Variants in CXorf58 observed in about 807,000 individuals in gnomAD.
The protein encoded by CXorf58 is chromosome X open reading frame 58.
CXorf58 carries 24 observed loss-of-function variants against 26.0 expected under a neutral mutation model. The observed-to-expected ratio is 0.92, with a 90% CI of 0.67 to 1.30. CXorf58 has a LOEUF of 1.30. CXorf58 is among the 50% of genes most tolerant of loss of function. The pLI is 0.00. For missense variants in CXorf58, 236 were observed against 263.9 expected (o/e 0.89, Z 0.73); for synonymous variants, 87 against 86.1 (o/e 1.01, Z -0.06).
At chrX:23,913,670 C>G (rs1013282777) in intron 3 of CXorf58, among the ~76,000 whole-genome samples, 1 of 110,829 alleles carries the variant, frequency 9.0e-6, no homozygotes, top group Non-Finnish European at 1.9e-5. Context: ...TTTAGGAGGC[C>G]GAGGCGGGTG....
At chrX:23,919,992 T>G (rs960944037) in intron 5 of CXorf58, among the ~76,000 whole-genome samples, 2 of 112,739 alleles carry the variant, frequency 1.8e-5, no homozygotes, top group African/African-American at 6.4e-5. Flanking sequence ...TTTCCCTACT[T>G]TTCCCCCAAT....
chrX:23,938,134 T>G (rs187202434), intron 7 of CXorf58, among the ~76,000 whole-genome samples: 110 of 109,969 alleles, frequency 1.0e-3, no homozygotes, highest in African/African-American at 3.4e-3. Flanking sequence ...GTGATCCGCT[T>G]GCCTCGGCCT....
intron 3 of CXorf58, among the ~76,000 whole-genome samples, chrX:23,912,209 C>G (rs1250503952): frequency 1.8e-5 from 2 of 110,974 alleles, no homozygotes. Flanking sequence ...CCTTGGCCTC[C>G]CAAAGTGCTG....
chrX:23,927,399 C>T, intron 6 of CXorf58, 29 bp downstream of exon 6: 1 of 1,045,596 alleles, frequency 9.6e-7, no homozygotes, highest in Non-Finnish European at 1.3e-6. Context: ...GAAAAACAAA[C>T]AAACCCAGCA....
intron 5 of CXorf58, among the ~76,000 whole-genome samples, chrX:23,917,709 C>T (rs183154907): frequency 3.0e-4 from 34 of 112,754 alleles, no homozygotes; most frequent in African/African-American, 1.1e-3. Context: ...TGAGCCACCA[C>T]ACCTGGCACT....
In CXorf58 at chrX:23,935,668, A is replaced by T. The variant is rs750333278; in HGVS notation, c.785+243A>T. On this transcript the variant is annotated intron_variant, in intron 7 of 8. Transcript: ENST00000379211. ...AGCTGGAGGCTGCCACAGAAAATAT[A>T]AAAAAATGAACAACCATAGAGTGGA... 5.4e-5 allele frequency among the ~76,000 whole-genome samples: 6 copies of T among 111,822 alleles called. No individual in the cohort carries two copies. The South Asian group carries it at 1.9e-3, about 35-fold the overall frequency.
At chrX:23,915,142 C>T (rs1368015892) in intron 3 of CXorf58, among the ~76,000 whole-genome samples, 4 of 112,178 alleles carry the variant, frequency 3.6e-5, no homozygotes, top group Non-Finnish European at 7.5e-5. Context: ...TCAAAACAAA[C>T]AAAAAATTCT....
intron 6 of CXorf58, among the ~76,000 whole-genome samples, chrX:23,933,877 T>TC (rs200039280): frequency 2.3e-5 from 2 of 86,813 alleles, no homozygotes; most frequent in Non-Finnish European, 4.4e-5. Context: ...TGAAACTCCG[T>TC]CCCCCCCAAA....
chrX:23,925,785 T>C (rs1346058841), intron 5 of CXorf58, among the ~76,000 whole-genome samples: 1 of 94,703 alleles, frequency 1.1e-5, no homozygotes, highest in Non-Finnish European at 2.0e-5. Flanking sequence ...TCTTTTCTTT[T>C]CTTTTTTTTT....
intron 5 of CXorf58, among the ~76,000 whole-genome samples, chrX:23,926,132 C>A (rs893391498): frequency 9.0e-6 from 1 of 110,802 alleles, no homozygotes; most frequent in Non-Finnish European, 1.9e-5. Flanking sequence ...TAAACATACC[C>A]TTTGTGGCCA....
At chrX:23,912,798 C>G (rs1051895479) in intron 3 of CXorf58, among the ~76,000 whole-genome samples, 1 of 111,956 alleles carries the variant, frequency 8.9e-6, no homozygotes, top group Non-Finnish European at 1.9e-5. Context: ...AATTTTACTT[C>G]TAAGAATCTG....
chrX:23,931,298 G>T (rs1928161967), intron 6 of CXorf58, among the ~76,000 whole-genome samples: 1 of 112,075 alleles, frequency 8.9e-6, no homozygotes, highest in South Asian at 3.7e-4. Context: ...TCATAGAGAG[G>T]AGTCCCCAGA....
intron 5 of CXorf58, among the ~76,000 whole-genome samples, chrX:23,922,225 T>C (rs572380102): frequency 1.8e-5 from 2 of 109,198 alleles, no homozygotes; most frequent in South Asian, 8.2e-4. Context: ...AATACAAATA[T>C]TAGCCAAGCG....
chrX:23,915,771 T>C lies in CXorf58; in HGVS notation c.288T>C (p.Thr96=). Residue 96 remains threonine, a synonymous_variant, in exon 4 of 9, where the codon ACT becomes ACC. Transcript: ENST00000379211. Reference sequence around the variant, plus strand: ...AGGCTAAGCTTATTAAGGATCCTACTATGCAGTGTAAAATTAGATTCAGGT... The same window carrying C: ...AGGCTAAGCTTATTAAGGATCCTACCATGCAGTGTAAAATTAGATTCAGGT... ...PLEAKLIKDP[T]MQCKIRFRFR... 8.6e-7 allele frequency: 1 copy of C among 1,165,352 alleles called. No individual in the cohort carries two copies. Among genetic ancestry groups the C allele is most frequent in the Non-Finnish European group, 1.2e-6 (1 of 855,045 alleles).
At chrX:23,911,412 G>A (rs372974285) in intron 2 of CXorf58, among the ~76,000 whole-genome samples, 2 of 111,434 alleles carry the variant, frequency 1.8e-5, no homozygotes, top group African/African-American at 3.3e-5. Flanking sequence ...ATTTTAGGTC[G>A]TGAATGTTTT....
At chrX:23,939,080 A>G (rs1385771674) in intron 8 of CXorf58, among the ~76,000 whole-genome samples, 164 bp from the exon 9 acceptor site, 1 of 112,307 alleles carries the variant, frequency 8.9e-6, no homozygotes, top group Non-Finnish European at 1.9e-5. Flanking sequence ...ATACTTTTAC[A>G]TCATAGGAAT....
intron 6 of CXorf58, among the ~76,000 whole-genome samples, chrX:23,929,994 G>A (rs1450125149): frequency 1.8e-5 from 2 of 109,766 alleles, no homozygotes; most frequent in South Asian, 3.9e-4. Context: ...TCAGGAGATC[G>A]AGACCATCCT....
At chrX:23,930,230 A>G (rs1189378672) in intron 6 of CXorf58, among the ~76,000 whole-genome samples, 4 of 106,405 alleles carry the variant, frequency 3.8e-5, no homozygotes, top group African/African-American at 1.4e-4. Context: ...AAAAAGAAAT[A>G]TGTTTCATAA....
chrX:23,925,994 G>T (rs1601965098), intron 5 of CXorf58, among the ~76,000 whole-genome samples: 1 of 103,518 alleles, frequency 9.7e-6, no homozygotes, highest in South Asian at 4.4e-4. Flanking sequence ...TCACCATGTT[G>T]GCCAGGCTGG....
Sources: gnomAD v4.1 joint callset for allele counts (sites outside exome capture counted in the v4.1 genomes callset) on GRCh38, gnomAD v4.1.1 for gene constraint, MANE v1.5 for transcripts, NCBI Gene and HGNC (gene_info 2026-07-23, HGNC 2026-07-21) for gene names.